The following PRKN variants were observed in gnomAD, a reference collection of about 807,000 sequenced individuals.
PRKN encodes the protein parkin RBR E3 ubiquitin protein ligase, also known as E3 ubiquitin-protein ligase parkin.
A neutral mutation model predicts 59.5 loss-of-function variants in PRKN; 56 were observed. The ratio of observed to expected loss-of-function variants is 0.94; its 90% confidence interval spans 0.76 to 1.18. The LOEUF is 1.18. PRKN is among the 50% of genes most tolerant of loss of function. The probability of loss-of-function intolerance (pLI) is 0.00; values close to 1 mark genes in which losing one functional copy is unlikely to be tolerated. For synonymous variants in PRKN, 250 were observed against 222.1 expected (o/e 1.13, Z -1.12); for missense variants, 657 against 596.4 (o/e 1.10, Z -1.06).
At chr6:161,931,809 A>T (rs1779179158) in intron 6 of PRKN, among the ~76,000 whole-genome samples, 1 of 152,234 alleles carries the variant, frequency 6.6e-6, no homozygotes, top group South Asian at 2.1e-4. Context: ...AAGCAGAAAG[A>T]TTTTAACTAT....
intron 1 of PRKN, among the ~76,000 whole-genome samples, chr6:162,724,824 T>G (rs1380726082): frequency 6.6e-6 from 1 of 152,192 alleles, no homozygotes; most frequent in Non-Finnish European, 1.5e-5. Flanking sequence ...GTATTCTGTT[T>G]TATCTAAGTA....
At chr6:162,151,820 T>A (rs937518559) in intron 4 of PRKN, among the ~76,000 whole-genome samples, 1 of 152,166 alleles carries the variant, frequency 6.6e-6, no homozygotes, top group East Asian at 1.9e-4. Context: ...TTTATTCACA[T>A]AGGGTAAGAA....
rs530883042 is a variant in PRKN, at chr6:161,390,026, G to A, written c.1084-3149C>T. On this transcript the variant is annotated intron_variant, in intron 9 of 11. Transcript: ENST00000366898. This position sits in a 1 kb window ranked among gnomAD's most constrained non-coding sequence, Gnocchi z 7.0. ...CAAGCAAATGCTGCAGGAATATTCC[G>A]GTGATGACTTCACAGGGAGGCACTG... Among the ~76,000 whole-genome samples the A allele has an allele frequency of 1.3e-5, 2 of 152,292 alleles. No homozygotes were observed. Among genetic ancestry groups the A allele is most frequent in the South Asian group, 2.1e-4 (1 of 4,814 alleles).
intron 4 of PRKN, among the ~76,000 whole-genome samples, chr6:162,068,943 A>C (rs1778454515): frequency 6.6e-6 from 1 of 152,186 alleles, no homozygotes; most frequent in Admixed American, 6.5e-5. Context: ...CTCAATATAT[A>C]ACATTAGTTG....
At position 162,453,803 on chromosome 6, in the gene PRKN, TGA is replaced by T. The variant is rs527348427; in HGVS notation, c.8-10332_8-10331del. On this transcript the variant is annotated intron_variant, in intron 1 of 11. Transcript: ENST00000366898. ...CTGTAATCCCAGCTACTCAGGAGGCTGAGACAGGAGAATCACATGAACCCAGG... is the reference window on the plus strand; with the variant it reads ...CTGTAATCCCAGCTACTCAGGAGGCTGACAGGAGAATCACATGAACCCAGG... 1.1e-3 allele frequency among the ~76,000 whole-genome samples: 162 copies of T among 152,124 alleles called. 1 individual carries two copies. The highest frequency in any genetic ancestry group is 2.5e-3 in the Admixed American group (38 of 15,284).
chr6:161,508,449 C>T lies in PRKN; in HGVS notation c.1083+40405G>A, dbSNP rs1406188992. Reference sequence around the variant, plus strand: ...TAAGTATTTTCTTTTTCTTTAACCTCGGAAACGCTTTTCCTGAGGGTCAGT... The same window carrying T: ...TAAGTATTTTCTTTTTCTTTAACCTTGGAAACGCTTTTCCTGAGGGTCAGT... On this transcript the variant is annotated intron_variant, in intron 9 of 11. Transcript: ENST00000366898. Among the ~76,000 whole-genome samples, 4 of 152,280 alleles carry T rather than the reference C, an allele frequency of 2.6e-5. 1 individual carries two copies. Among genetic ancestry groups the T allele is most frequent in the South Asian group, 4.1e-4 (2 of 4,820 alleles).
chr6:162,532,154 C>T (rs546320738), intron 1 of PRKN, among the ~76,000 whole-genome samples: 1 of 55,506 alleles, frequency 1.8e-5, no homozygotes, highest in Non-Finnish European at 7.5e-5. Flanking sequence ...GTATCTCCCC[C>T]CAACTCCTCT....
At chr6:161,890,743 T>C (rs1038571868) in intron 6 of PRKN, among the ~76,000 whole-genome samples, 3 of 152,214 alleles carry the variant, frequency 2.0e-5, no homozygotes, top group South Asian at 4.1e-4. Flanking sequence ...AATTCTACAT[T>C]CCAGTCAATG....
chr6:161,599,420 T>C (rs1191341543), intron 7 of PRKN, among the ~76,000 whole-genome samples: 3 of 152,206 alleles, frequency 2.0e-5, no homozygotes, highest in South Asian at 2.1e-4. Context: ...TCTTTTAACA[T>C]GCAATTGCCA....
rs530402283 is a variant in PRKN at position 162,298,128 on chromosome 6, G to C, written c.172-35363C>G. 2.6e-5 allele frequency among the ~76,000 whole-genome samples: 4 copies of C among 152,184 alleles called. No homozygotes were observed. In the South Asian group the frequency reaches 8.3e-4, roughly 32 times the overall value. ...GTCCTGCAACCTCCAGTTGGGTTTT[G>C]ACAAGGGGAGGTACCAGGAGGTCAA... On this transcript the variant is annotated intron_variant, in intron 2 of 11. Transcript: ENST00000366898.
chr6:162,393,556 T>G (rs1399845753), intron 2 of PRKN, among the ~76,000 whole-genome samples: 3 of 152,130 alleles, frequency 2.0e-5, no homozygotes, highest in African/African-American at 7.2e-5. Flanking sequence ...AGATCAACTT[T>G]TGCATGCACG....
intron 2 of PRKN, among the ~76,000 whole-genome samples, chr6:162,333,228 C>CTTTTT (rs200926335): frequency 7.2e-6 from 1 of 137,984 alleles, no homozygotes; most frequent in South Asian, 2.3e-4. Context: ...ACATTAAAAT[C>CTTTTT]TTTTTTTTTT....
intron 4 of PRKN, among the ~76,000 whole-genome samples, chr6:162,142,436 G>A (rs951015462): frequency 2.0e-5 from 3 of 152,166 alleles, no homozygotes; most frequent in Non-Finnish European, 4.4e-5. Context: ...ATGGAGATGA[G>A]CATCGTTCCT....
At chr6:162,570,659 T>C (rs559598120) in intron 1 of PRKN, among the ~76,000 whole-genome samples, 38 of 152,280 alleles carry the variant, frequency 2.5e-4, no homozygotes, top group African/African-American at 8.9e-4. Flanking sequence ...TGAGAGCCAG[T>C]CATTTGCAAC....
intron 4 of PRKN, among the ~76,000 whole-genome samples, chr6:162,106,835 C>T (rs985564812): frequency 1.3e-5 from 2 of 152,180 alleles, no homozygotes; most frequent in Non-Finnish European, 2.9e-5. Context: ...ATGTTGTATG[C>T]ACTCCAGTCT....
At chr6:162,550,328 C>A (rs766502009) in intron 1 of PRKN, among the ~76,000 whole-genome samples, 2 of 152,102 alleles carry the variant, frequency 1.3e-5, no homozygotes, top group East Asian at 3.9e-4. Flanking sequence ...AGAAATAGAG[C>A]GTCTGGGGGC....
At chr6:162,462,049 A>T (rs1029677296) in intron 1 of PRKN, among the ~76,000 whole-genome samples, 7 of 152,078 alleles carry the variant, frequency 4.6e-5, no homozygotes, top group African/African-American at 1.7e-4. Context: ...GTATTATAGG[A>T]TGGAGGTATT....
At chr6:161,624,250 A>C (rs16892831) in intron 7 of PRKN, among the ~76,000 whole-genome samples, 9,204 of 152,284 alleles carry the variant, frequency 0.06, 584 homozygotes, top group African/African-American at 0.16. Context: ...GTGGCGCCAA[A>C]AGCTATTTCC....
At chr6:161,788,135 G>C (rs1368094758) in intron 6 of PRKN, among the ~76,000 whole-genome samples, 1 of 152,172 alleles carries the variant, frequency 6.6e-6, no homozygotes, top group African/African-American at 2.4e-5. Context: ...CACATGGATG[G>C]ACAACAGCAC....
Sources: gnomAD v4.1 joint callset for allele counts (sites outside exome capture counted in the v4.1 genomes callset) on GRCh38, gnomAD v4.1.1 for gene constraint, Gnocchi (gnomAD v3.1) non-coding constraint, MANE v1.5 for transcripts, NCBI Gene and HGNC (gene_info 2026-07-23, HGNC 2026-07-21) for gene names.